Variants in GRIK2 observed in about 807,000 individuals in gnomAD.
The protein encoded by GRIK2 is glutamate receptor ionotropic, kainate 2.
GRIK2 carries 32 observed loss-of-function variants against 100.3 expected under a neutral mutation model. The observed-to-expected ratio is 0.32, with a 90% CI of 0.24 to 0.43. The LOEUF is 0.43. Among genes scored for constraint, GRIK2 ranks in the 20% least tolerant of loss-of-function variants. The pLI, the probability that GRIK2 is intolerant of heterozygous loss-of-function variation, is 1.00. For synonymous variants in GRIK2, 417 were observed against 389.4 expected, an observed-to-expected ratio of 1.07 and a Z score of -0.83; for missense variants, 843 against 1,114.9, an observed-to-expected ratio of 0.76 and a Z score of 3.47.
intron 7 of GRIK2, among the ~76,000 whole-genome samples, chr6:101,773,698 A>G (rs915885668): frequency 4.6e-5 from 7 of 152,140 alleles, no homozygotes; most frequent in Non-Finnish European, 1.0e-4. Flanking sequence ...AAAGCTTTAT[A>G]ATTCATACTT....
At chr6:101,485,617 G>T (rs971519940) in intron 2 of GRIK2, among the ~76,000 whole-genome samples, 2 of 152,166 alleles carry the variant, frequency 1.3e-5, no homozygotes, top group African/African-American at 4.8e-5. Flanking sequence ...AAAAGGATTT[G>T]CACCATAAAT....
At chr6:101,871,825 T>C (rs1192389264) in intron 11 of GRIK2, among the ~76,000 whole-genome samples, 3 of 151,962 alleles carry the variant, frequency 2.0e-5, no homozygotes, top group African/African-American at 7.2e-5. Flanking sequence ...TTGTGAATAG[T>C]TCTGTGATGA....
At chr6:101,943,087 C>T (rs1014301934) in intron 14 of GRIK2, among the ~76,000 whole-genome samples, 12 of 152,188 alleles carry the variant, frequency 7.9e-5, no homozygotes, top group African/African-American at 1.9e-4. Flanking sequence ...GGACATGGCA[C>T]CCTGAGTAGC....
intron 15 of GRIK2, among the ~76,000 whole-genome samples, chr6:102,054,255 AC>A (rs2114501152): frequency 6.6e-6 from 1 of 152,238 alleles, no homozygotes; most frequent in Non-Finnish European, 1.5e-5. Context: ...TACATTGCCT[AC>A]TCTCACTAAA....
At chr6:101,751,681 C>G (rs1235757332) in intron 7 of GRIK2, among the ~76,000 whole-genome samples, 1 of 152,164 alleles carries the variant, frequency 6.6e-6, no homozygotes, top group Non-Finnish European at 1.5e-5. Context: ...CATTATTTTA[C>G]CATCTGGATT....
At chr6:101,584,470 G>A (rs1778256535) in intron 2 of GRIK2, among the ~76,000 whole-genome samples, 2 of 151,798 alleles carry the variant, frequency 1.3e-5, no homozygotes, top group African/African-American at 4.8e-5. Context: ...TTGTACATCA[G>A]GAAATATTTC....
At chr6:101,929,283 T>C (rs114744956) in intron 14 of GRIK2, among the ~76,000 whole-genome samples, 1,981 of 152,260 alleles carry the variant, frequency 0.013, 48 homozygotes, top group African/African-American at 0.045. Flanking sequence ...TACTCTTGCC[T>C]ACTCACTGGG....
At chr6:101,648,199 A>G (rs1781619087) in intron 4 of GRIK2, among the ~76,000 whole-genome samples, 1 of 152,024 alleles carries the variant, frequency 6.6e-6, no homozygotes, top group Non-Finnish European at 1.5e-5. Flanking sequence ...AGAAGTCTAT[A>G]TCTTAGAAAC....
At chr6:101,823,455 T>A (rs1029874025) in intron 10 of GRIK2, among the ~76,000 whole-genome samples, 2 of 113,428 alleles carry the variant, frequency 1.8e-5, no homozygotes, top group Non-Finnish European at 3.2e-5. Context: ...ATTTATGCCC[T>A]AATTTTATTG....
intron 2 of GRIK2, among the ~76,000 whole-genome samples, chr6:101,445,952 T>G (rs990735818): frequency 6.6e-6 from 1 of 152,032 alleles, no homozygotes; most frequent in Non-Finnish European, 1.5e-5. Flanking sequence ...GCCCTAATAT[T>G]ATAATCATTC....
At chr6:101,641,362 TAAAG>T (rs1268337057) in intron 4 of GRIK2, among the ~76,000 whole-genome samples, 1 of 151,982 alleles carries the variant, frequency 6.6e-6, no homozygotes, top group Non-Finnish European at 1.5e-5. Flanking sequence ...GAGTTGGCAT[TAAAG>T]AAAGAAAATT....
chr6:101,528,094 G>A (rs1448037863), intron 2 of GRIK2, among the ~76,000 whole-genome samples: 2 of 152,180 alleles, frequency 1.3e-5, no homozygotes, highest in South Asian at 2.1e-4. Flanking sequence ...TGTAAGATGT[G>A]TATAATCATA....
chr6:101,629,631 A>G (rs1404545310), intron 4 of GRIK2, among the ~76,000 whole-genome samples: 1 of 152,142 alleles, frequency 6.6e-6, no homozygotes, highest in Non-Finnish European at 1.5e-5. Flanking sequence ...ACTCGAAGGC[A>G]GAAAAGTCCC....
Position 101,889,642 on chromosome 6 carries a change from A to C in GRIK2, c.1527A>C (p.Lys509Asn). ...NGMVRELIDH[K>N]ADLAVAPLAI... The stretch of plus-strand genomic sequence containing the variant: ...TTTTTGTTTGTTTCTGTCTACAGAA[A>C]GCTGACCTTGCAGTTGCTCCACTGG... Residue 509 changes from lysine (K) to asparagine (N), a missense_variant and splice_region_variant, in exon 12 of 17, where the codon AAA becomes AAC. Lys to Asn is a moderately conservative substitution (Grantham distance 94, BLOSUM62 0). Coordinates refer to ENST00000369134, the MANE Select transcript of GRIK2 (RefSeq NM_021956.5). 10 of 1,523,402 alleles carry C rather than the reference A, an allele frequency of 6.6e-6. No individual in the cohort carries two copies. Among genetic ancestry groups the C allele is most frequent in the Non-Finnish European group, 9.0e-6 (10 of 1,112,246 alleles). 94.4% of individuals were successfully genotyped at this position (1,523,402 alleles called of 1,614,324 possible). A position where few individuals can be genotyped will look rare whatever the true frequency, so the allele number is the denominator to read the frequency against.
chr6:101,667,400 G>A (rs1284187771), intron 4 of GRIK2, among the ~76,000 whole-genome samples: 1 of 152,154 alleles, frequency 6.6e-6, no homozygotes, highest in Non-Finnish European at 1.5e-5. Flanking sequence ...AGAAGCAAAG[G>A]AAGTATGTAT....
intron 2 of GRIK2, among the ~76,000 whole-genome samples, chr6:101,482,281 G>A (rs916720311): frequency 1.3e-5 from 2 of 152,138 alleles, no homozygotes; most frequent in South Asian, 2.1e-4. Context: ...CACTGGAAAC[G>A]TAAAATGAGT....
At chr6:101,888,394 CAT>C (rs779763787) in intron 11 of GRIK2, among the ~76,000 whole-genome samples, 10 of 152,140 alleles carry the variant, frequency 6.6e-5, no homozygotes, top group Non-Finnish European at 1.2e-4. Context: ...AAGTTCTTAA[CAT>C]AGTGCTGTTG....
At chr6:101,947,774 G>A (rs2094941589) in intron 14 of GRIK2, among the ~76,000 whole-genome samples, 1 of 152,162 alleles carries the variant, frequency 6.6e-6, no homozygotes, top group African/African-American at 2.4e-5. Context: ...CAATACACAT[G>A]TTCAGAAAGT....
chr6:101,608,861 A>G (rs1401231966), intron 2 of GRIK2, among the ~76,000 whole-genome samples: 1 of 150,616 alleles, frequency 6.6e-6, no homozygotes, highest in African/African-American at 2.4e-5. Flanking sequence ...TGAACACACA[A>G]AGTCCCATAG....
Sources: allele counts gnomAD v4.1 joint callset (sites outside exome capture counted in the v4.1 genomes callset), GRCh38; gene constraint gnomAD v4.1.1; transcripts MANE v1.5; gene names NCBI Gene and HGNC (gene_info 2026-07-23, HGNC 2026-07-21).